PCP4: variants seen among roughly 807,000 people sequenced by gnomAD.
PCP4 encodes calmodulin regulator protein PCP4.
In PCP4, 8 loss-of-function variants were observed where a neutral mutation model predicts 10.0. That is an observed-to-expected ratio of 0.80 (90% CI 0.47 to 1.45). PCP4 has a LOEUF of 1.45. Ranked by LOEUF, PCP4 falls within the 40% of genes most tolerant of loss-of-function variation. The probability of loss-of-function intolerance (pLI) is 0.00; values close to 1 mark genes in which losing one functional copy is unlikely to be tolerated. For synonymous variants in PCP4, 21 were observed against 23.0 expected (o/e 0.91, Z 0.24); for missense variants, 54 against 74.4 (o/e 0.73, Z 1.01).
At chr21:39,868,695 G>T (rs543759734) in intron 1 of PCP4, among the ~76,000 whole-genome samples, 14 of 152,296 alleles carry the variant, frequency 9.2e-5, no homozygotes, top group Non-Finnish European at 2.1e-4. Flanking sequence ...CGTGCAGTGG[G>T]CACCATTATT....
intron 1 of PCP4, 197 bp from the exon 2 acceptor site, chr21:39,898,279 C>A: frequency 1.6e-6 from 1 of 638,224 alleles, no homozygotes; most frequent in Non-Finnish European, 2.8e-6. Context: ...GATGAGGGGG[C>A]CGGTCTGTGC....
intron 1 of PCP4, among the ~76,000 whole-genome samples, chr21:39,890,557 C>T (rs28728230): frequency 0.059 from 8,881 of 150,926 alleles, 330 homozygotes; most frequent in East Asian, 0.085. Flanking sequence ...TTAGTAGAGA[C>T]GGGTTTTCAC....
At chr21:39,928,886 C>T in intron 2 of PCP4, 98 bp from the exon 3 acceptor site, 1 of 1,229,334 alleles carries the variant, frequency 8.1e-7, no homozygotes, top group East Asian at 2.4e-5. Flanking sequence ...TGTGTGTGCC[C>T]CAAGGTGGAC....
intron 1 of PCP4, among the ~76,000 whole-genome samples, chr21:39,881,812 GT>G (rs1047851682): frequency 2.6e-5 from 4 of 152,154 alleles, no homozygotes; most frequent in African/African-American, 9.7e-5. Flanking sequence ...TCCAAGTCAG[GT>G]TTTCCGTCTT....
At chr21:39,926,168 C>T in intron 2 of PCP4, 1 of 406,108 alleles carries the variant, frequency 2.5e-6, no homozygotes, top group Non-Finnish European at 5.0e-6. Flanking sequence ...CTGAAGTATA[C>T]AGAAAAGTAG....
chr21:39,879,574 A>C (rs1007230254), intron 1 of PCP4, among the ~76,000 whole-genome samples: 14 of 152,168 alleles, frequency 9.2e-5, no homozygotes, highest in African/African-American at 3.4e-4. Flanking sequence ...CGCTAAATGT[A>C]ACTCCAGAGG....
chr21:39,889,533 T>C (rs56348536), intron 1 of PCP4, among the ~76,000 whole-genome samples: 2,880 of 138,890 alleles, frequency 0.021, 54 homozygotes, highest in African/African-American at 0.036. Context: ...TCTCCTGCCT[T>C]AGCCTCCTGA....
intron 2 of PCP4, among the ~76,000 whole-genome samples, chr21:39,908,468 A>C (rs1384129080): frequency 6.6e-6 from 1 of 152,150 alleles, no homozygotes; most frequent in Non-Finnish European, 1.5e-5. Flanking sequence ...GCCAACTGGG[A>C]AATGGGGAAG....
At chr21:39,921,365 G>A (rs1481127492) in intron 2 of PCP4, among the ~76,000 whole-genome samples, 1 of 152,190 alleles carries the variant, frequency 6.6e-6, no homozygotes, top group Non-Finnish European at 1.5e-5. Context: ...CAGTCTTCAC[G>A]AGGTGATCTT....
At chr21:39,890,998 T>C (rs1293523532) in intron 1 of PCP4, among the ~76,000 whole-genome samples, 4 of 152,206 alleles carry the variant, frequency 2.6e-5, no homozygotes, top group Non-Finnish European at 4.4e-5. Context: ...GTATTGATGA[T>C]GTTGCACAGC....
At chr21:39,874,454 G>C (rs1818859387) in intron 1 of PCP4, among the ~76,000 whole-genome samples, 1 of 152,174 alleles carries the variant, frequency 6.6e-6, no homozygotes, top group South Asian at 2.1e-4. Flanking sequence ...ACAGTCATCT[G>C]TTCCCGTAGC....
At chr21:39,909,513 A>G (rs1199347963) in intron 2 of PCP4, among the ~76,000 whole-genome samples, 1 of 152,162 alleles carries the variant, frequency 6.6e-6, no homozygotes, top group African/African-American at 2.4e-5. Flanking sequence ...ATCTCCTTGC[A>G]TTCTGGTCAT....
At chr21:39,892,190 T>C (rs1249782415) in intron 1 of PCP4, among the ~76,000 whole-genome samples, 1 of 152,222 alleles carries the variant, frequency 6.6e-6, no homozygotes, top group Non-Finnish European at 1.5e-5. Context: ...GCCTTCTAGG[T>C]CACTTCTCAC....
chr21:39,885,980 G>A (rs2087399009), intron 1 of PCP4, among the ~76,000 whole-genome samples: 1 of 152,172 alleles, frequency 6.6e-6, no homozygotes, highest in Non-Finnish European at 1.5e-5. Flanking sequence ...CCCCTCTTCC[G>A]GGCTTGTAGA....
intron 1 of PCP4, chr21:39,898,264 A>G (rs1834136347): frequency 6.6e-6 from 4 of 606,262 alleles, no homozygotes; most frequent in Middle Eastern, 8.8e-4. Context: ...AGAGCAGTGG[A>G]TGTGGATGAG....
chr21:39,908,979 G>A (rs986891533), intron 2 of PCP4, among the ~76,000 whole-genome samples: 20 of 152,124 alleles, frequency 1.3e-4, no homozygotes, highest in African/African-American at 4.3e-4. Flanking sequence ...TAAATTGCAC[G>A]TATTTCCTTT....
chr21:39,870,716 C>T (rs1393841927), intron 1 of PCP4, among the ~76,000 whole-genome samples: 2 of 152,202 alleles, frequency 1.3e-5, no homozygotes, highest in African/African-American at 2.4e-5. Flanking sequence ...ACGTGACGCC[C>T]TTGCCCTGTT....
At chr21:39,916,970 G>A (rs2087571246) in intron 2 of PCP4, among the ~76,000 whole-genome samples, 1 of 152,188 alleles carries the variant, frequency 6.6e-6, no homozygotes, top group South Asian at 2.1e-4. Context: ...AGGAAGAATA[G>A]CTAATGGATG....
At chr21:39,903,878 A>G (rs1286146032) in intron 2 of PCP4, among the ~76,000 whole-genome samples, 1 of 133,116 alleles carries the variant, frequency 7.5e-6, no homozygotes, top group Non-Finnish European at 1.6e-5. Context: ...AAAAAAAACA[A>G]AAAAAAAAAA....
Sources: allele counts gnomAD v4.1 joint callset (sites outside exome capture counted in the v4.1 genomes callset), GRCh38; gene constraint gnomAD v4.1.1; transcripts MANE v1.5; gene names NCBI Gene and HGNC (gene_info 2026-07-23, HGNC 2026-07-21).